CORO1C: variants seen among roughly 807,000 people sequenced by gnomAD.
CORO1C encodes coronin-1C.
In CORO1C, 14 loss-of-function variants were observed where a neutral mutation model predicts 51.2. The ratio of observed to expected loss-of-function variants is 0.27; its 90% CI spans 0.18 to 0.43. The LOEUF is 0.43. Among genes scored for constraint, CORO1C ranks in the 20% least tolerant of loss-of-function variants. The probability of loss-of-function intolerance (pLI) is 1.00; values close to 1 mark genes in which losing one functional copy is unlikely to be tolerated. For missense variants in CORO1C, 417 were observed against 607.8 expected (o/e 0.69, Z 3.30); for synonymous variants, 181 against 210.5 (o/e 0.86, Z 1.21).
At position 108,681,612 on chromosome 12, in the gene CORO1C, T is replaced by C. The variant is rs1378472132; in HGVS notation, c.196-3218A>G. 2.6e-5 allele frequency among the ~76,000 whole-genome samples: 4 copies of C among 152,100 alleles called. No individual in the cohort carries two copies. In the East Asian group the frequency reaches 5.8e-4, roughly 22 times the overall value. On this transcript the variant is annotated intron_variant, in intron 2 of 10. Transcript: ENST00000261401. ...TATTCCATACCCAGAAAAACTATCA[T>C]TCAAGAATGATGACAAGAAAAAAGC...
rs1469372532 is a variant in CORO1C at position 108,676,985 on chromosome 12, C to T, written c.318+1287G>A. Among the ~76,000 whole-genome samples, 6 of 152,016 alleles carry T rather than the reference C, an allele frequency of 3.9e-5. No homozygotes were observed. In the East Asian group the frequency reaches 5.8e-4, roughly 15 times the overall value. ...CCAGCCAAAAGCCCATGAGGAAAAG[C>T]GGGTAAATGTTTAAATGACACAGTT... On this transcript the variant is annotated intron_variant, in intron 3 of 10. Transcript: ENST00000261401.
rs2032379770 is a variant in CORO1C at position 108,646,839 on chromosome 12, A to G, written c.*564T>C. On this transcript the variant is annotated 3_prime_UTR_variant, in exon 11 of 11. Coordinates refer to ENST00000261401, the MANE Select transcript of CORO1C (RefSeq NM_014325.4). ...CTACTGCTTTGATTGTTCTCAGATG[A>G]ATGTTTATACAAAATAATATCTTAT... 1 of 152,656 alleles carries G rather than the reference A, an allele frequency of 6.6e-6. No homozygotes were observed. Among genetic ancestry groups the G allele is most frequent in the Non-Finnish European group, 1.5e-5 (1 of 68,080 alleles). 9.5% of individuals were successfully genotyped at this position (152,656 alleles called of 1,614,324 possible). A position where few individuals can be genotyped will look rare whatever the true frequency, so the allele number is the denominator to read the frequency against.
chr12:108,702,433 A>G (rs1246758693), intron 1 of CORO1C, among the ~76,000 whole-genome samples: 3 of 152,178 alleles, frequency 2.0e-5, no homozygotes, highest in African/African-American at 7.2e-5. Flanking sequence ...AAATTCGACT[A>G]AATCATCTGA....
chr12:108,692,883 T>C (rs1448437580), intron 2 of CORO1C, among the ~76,000 whole-genome samples: 1 of 144,972 alleles, frequency 6.9e-6, no homozygotes, highest in Non-Finnish European at 1.5e-5. Context: ...CTGCAACCTC[T>C]GCCTCCTGTG....
intron 4 of CORO1C, among the ~76,000 whole-genome samples, chr12:108,660,311 T>C (rs1020989610): frequency 3.9e-5 from 6 of 152,002 alleles, no homozygotes; most frequent in African/African-American, 1.4e-4. Flanking sequence ...ATTAGCCAGG[T>C]GTGGTGGCAC....
At chr12:108,667,948 T>A (rs1166531524) in intron 3 of CORO1C, among the ~76,000 whole-genome samples, 2 of 152,160 alleles carry the variant, frequency 1.3e-5, no homozygotes, top group African/African-American at 4.8e-5. Flanking sequence ...TAAAGTACAA[T>A]TAGTTAAATA....
In CORO1C at chr12:108,702,915, C is replaced by T. The variant is rs1391469591; in HGVS notation, c.-5-1592G>A. The T allele has an allele frequency of 5.9e-6, 9 of 1,535,154 alleles. No homozygotes were observed. The East Asian group carries it at 2.0e-4, about 33-fold the overall frequency. ...ACGTTCCTTAGCCCAGCTGTTATTG[C>T]CAGACTTTCCCAGCTGACTACCAGG... On this transcript the variant is annotated intron_variant, in intron 1 of 10. Transcript: ENST00000261401.
intron 2 of CORO1C, among the ~76,000 whole-genome samples, chr12:108,697,469 T>C (rs1393838405): frequency 6.6e-6 from 1 of 152,246 alleles, no homozygotes; most frequent in Admixed American, 6.5e-5. Flanking sequence ...TCTTGCTATC[T>C]TGATTTCAAA....
At chr12:108,653,334 A>G (rs1255827621) in intron 7 of CORO1C, among the ~76,000 whole-genome samples, 1 of 152,232 alleles carries the variant, frequency 6.6e-6, no homozygotes, top group Non-Finnish European at 1.5e-5. Context: ...TGCACTTAAC[A>G]CCTGTTAACA....
rs146413332 is a variant in CORO1C, at chr12:108,693,724, G to A, written c.195+7400C>T. On this transcript the variant is annotated intron_variant, in intron 2 of 10. Coordinates refer to ENST00000261401, the MANE Select transcript of CORO1C (RefSeq NM_014325.4). The stretch of plus-strand genomic sequence containing the variant: ...AAACTAGACATCCTGGAGTCTGAAG[G>A]AGGAATGTGCCTACCACCTACTTCT... Among the ~76,000 whole-genome samples, 4 of 152,280 alleles carry A rather than the reference G, an allele frequency of 2.6e-5. No homozygotes were observed. The East Asian group carries it at 7.7e-4, about 29-fold the overall frequency.
At chr12:108,679,144 G>GA (rs58733297) in intron 2 of CORO1C, among the ~76,000 whole-genome samples, 59 of 47,338 alleles carry the variant, frequency 1.2e-3, no homozygotes, top group Non-Finnish European at 1.6e-3. Flanking sequence ...CAAGAAAAAA[G>GA]AAAAAAAAAA....
chr12:108,667,030 A>G (rs888052629), intron 3 of CORO1C, among the ~76,000 whole-genome samples: 1 of 152,114 alleles, frequency 6.6e-6, no homozygotes, highest in Non-Finnish European at 1.5e-5. Flanking sequence ...TGCGGATACA[A>G]TAACTAAATA....
chr12:108,722,416 G>A (rs1323553485), intron 1 of CORO1C, among the ~76,000 whole-genome samples: 1 of 152,206 alleles, frequency 6.6e-6, no homozygotes, highest in Non-Finnish European at 1.5e-5. Context: ...GAGGGCTGCA[G>A]TGGCATGAGA....
At chr12:108,702,787 G>A (rs1312345249) in intron 1 of CORO1C, 1 of 1,510,940 alleles carries the variant, frequency 6.6e-7, no homozygotes, top group Non-Finnish European at 8.8e-7. Context: ...TTTTGCCAGA[G>A]TCTCTTACCC....
chr12:108,700,697 A>G (rs1012461521), intron 2 of CORO1C, among the ~76,000 whole-genome samples: 1 of 152,102 alleles, frequency 6.6e-6, no homozygotes, highest in Admixed American at 6.5e-5. Context: ...CATCCTTATG[A>G]CTTCACAAAA....
At chr12:108,652,140 T>A (rs2032701785) in intron 8 of CORO1C, 132 bp downstream of exon 8, 2 of 608,460 alleles carry the variant, frequency 3.3e-6, no homozygotes, top group African/African-American at 3.8e-5. Context: ...CATGGCAATG[T>A]GTACAATTCT....
rs1371064482 is a variant in CORO1C, at chr12:108,647,374, T to C, written c.*29A>G. The C allele has an allele frequency of 6.2e-7, 1 of 1,606,932 alleles. No homozygotes were observed. On this transcript the variant is annotated 3_prime_UTR_variant, in exon 11 of 11. Coordinates refer to ENST00000261401, the MANE Select transcript of CORO1C (RefSeq NM_014325.4). ...TCCCAAGCACAAGTTCTTGCTCCCA[T>C]TTTTTCTGTAGGGGTGGGGGTGGGA... is the stretch of plus-strand genomic sequence containing the variant.
chr12:108,659,138 T>G (rs1054454137), intron 4 of CORO1C, among the ~76,000 whole-genome samples: 2 of 152,196 alleles, frequency 1.3e-5, no homozygotes, highest in Admixed American at 1.3e-4. Flanking sequence ...AAAGTTTGTA[T>G]AAAAGAAATA....
intron 2 of CORO1C, among the ~76,000 whole-genome samples, chr12:108,686,354 A>C (rs1565920553): frequency 6.6e-6 from 1 of 152,254 alleles, no homozygotes; most frequent in Non-Finnish European, 1.5e-5. Context: ...GAAGATGTAC[A>C]AGAATTAAAG....
Sources: allele counts gnomAD v4.1 joint callset (sites outside exome capture counted in the v4.1 genomes callset), GRCh38; gene constraint gnomAD v4.1.1; transcripts MANE v1.5; gene names NCBI Gene and HGNC (gene_info 2026-07-23, HGNC 2026-07-21).